The following ARL13B variants were observed in gnomAD, a reference collection of about 807,000 sequenced individuals.
ARL13B encodes ADP-ribosylation factor-like protein 13B.
A neutral mutation model predicts 56.1 loss-of-function variants in ARL13B; 36 were observed. The ratio of observed to expected loss-of-function variants is 0.64; its 90% confidence interval spans 0.49 to 0.85. The LOEUF (loss-of-function observed/expected upper bound fraction) is 0.85. Among genes scored for constraint, ARL13B ranks in the 40% least tolerant of loss-of-function variants. The probability of loss-of-function intolerance (pLI) is 0.00; values close to 1 mark genes in which losing one functional copy is unlikely to be tolerated. For synonymous variants in ARL13B, 178 were observed against 171.1 expected (o/e 1.04, Z -0.32); for missense variants, 519 against 507.1 (o/e 1.02, Z -0.23).
Position 94,053,506 on chromosome 3 carries a change from A to T in ARL13B, c.*243A>T, listed in dbSNP as rs1409721383. The T allele has an allele frequency of 6.4e-6, 4 of 624,752 alleles. No individual in the cohort carries two copies. The East Asian group carries it at 1.3e-4, about 21-fold the overall frequency. 38.7% of individuals were successfully genotyped at this position (624,752 alleles called of 1,614,324 possible). ...TCAGCATTTGGACCAAATTAGCAAGATTTACTGTTGACTCTGGTTTATACA... is the reference window on the plus strand; with the variant it reads ...TCAGCATTTGGACCAAATTAGCAAGTTTTACTGTTGACTCTGGTTTATACA... On this transcript the variant is annotated 3_prime_UTR_variant, in exon 10 of 10. Transcript: ENST00000394222.
intron 9 of ARL13B, among the ~76,000 whole-genome samples, chr3:94,051,505 A>T (rs549291034): frequency 3.7e-4 from 56 of 152,282 alleles, no homozygotes; most frequent in African/African-American, 1.3e-3. Context: ...GAATTCTAGG[A>T]TGCAAAAACT....
At chr3:94,007,681 C>T (rs915969175) in intron 3 of ARL13B, among the ~76,000 whole-genome samples, 1 of 152,122 alleles carries the variant, frequency 6.6e-6, no homozygotes, top group Non-Finnish European at 1.5e-5. Flanking sequence ...AATCATCTCC[C>T]ACCAGGTCCC....
chr3:94,011,945 A>G (rs745450750), intron 3 of ARL13B, among the ~76,000 whole-genome samples: 2 of 152,128 alleles, frequency 1.3e-5, no homozygotes, highest in East Asian at 1.9e-4. Context: ...CTTGAAGTCA[A>G]TAATTGTCTT....
chr3:93,999,529 G>A (rs142446832), intron 2 of ARL13B, among the ~76,000 whole-genome samples: 120 of 151,978 alleles, frequency 7.9e-4, no homozygotes, highest in African/African-American at 2.7e-3. Context: ...TAATAATTTC[G>A]TCATGAAAAA....
At chr3:94,021,123 G>GA (rs1346413481) in intron 3 of ARL13B, among the ~76,000 whole-genome samples, 1 of 151,192 alleles carries the variant, frequency 6.6e-6, no homozygotes, top group African/African-American at 2.4e-5. Context: ...CGATACTATA[G>GA]AAAGAATTGC....
intron 3 of ARL13B, among the ~76,000 whole-genome samples, chr3:94,010,817 A>C (rs1398613687): frequency 6.6e-6 from 1 of 152,076 alleles, no homozygotes; most frequent in African/African-American, 2.4e-5. Flanking sequence ...TATTTTACAA[A>C]TTCATCTGGA....
In ARL13B at chr3:94,035,344, C is replaced by T; in HGVS notation, c.394C>T (p.Gln132Ter). Reference protein sequence around the residue: ...GKPILVLANKQDKEGALGEAD... With the variant: ...GKPILVLANK ...ATTATCTTTCAGGTTGGCAAATAAACAAGATAAAGAAGGAGCTTTAGGAGA... is the reference window on the plus strand; with the variant it reads ...ATTATCTTTCAGGTTGGCAAATAAATAAGATAAAGAAGGAGCTTTAGGAGA... Residue 132 changes from glutamine (Q) to a stop codon, truncating the protein, a stop_gained, in exon 4 of 10, where the codon CAA becomes TAA. Coordinates refer to ENST00000394222, the MANE Select transcript of ARL13B (RefSeq NM_001174150.2). LOFTEE classifies it high-confidence loss of function. 6.2e-7 allele frequency: 1 copy of T among 1,602,514 alleles called. No homozygotes were observed. The highest frequency in any genetic ancestry group is 8.5e-7 in the Non-Finnish European group (1 of 1,175,090).
intron 2 of ARL13B, among the ~76,000 whole-genome samples, chr3:93,997,066 C>T (rs905991419): frequency 2.6e-5 from 4 of 151,936 alleles, no homozygotes; most frequent in African/African-American, 9.7e-5. Context: ...CACTGCCTCC[C>T]ATCACCCCCC....
intron 3 of ARL13B, chr3:94,015,311 A>C: frequency 1.3e-6 from 2 of 1,485,934 alleles, no homozygotes; most frequent in South Asian, 1.5e-5. Flanking sequence ...TGTGTTGAAC[A>C]AGTAGAAATT....
chr3:94,032,115 C>A (rs952047590), intron 3 of ARL13B, among the ~76,000 whole-genome samples: 3 of 152,164 alleles, frequency 2.0e-5, no homozygotes, highest in Non-Finnish European at 4.4e-5. Flanking sequence ...AAGAAGTAAT[C>A]AATGGAGCAA....
chr3:94,040,952 C>T (rs572935645), intron 6 of ARL13B, among the ~76,000 whole-genome samples: 5 of 152,004 alleles, frequency 3.3e-5, no homozygotes, highest in South Asian at 4.2e-4. Flanking sequence ...TAGTGGTGTA[C>T]GACATAGTAT....
At chr3:94,021,888 A>G (rs2076455552) in intron 3 of ARL13B, among the ~76,000 whole-genome samples, 1 of 152,016 alleles carries the variant, frequency 6.6e-6, no homozygotes. Flanking sequence ...TAAAAATGTT[A>G]TTTTTTCCCT....
rs1457359542 is a variant in ARL13B, at chr3:93,980,243, CGGACCCACGCGGTTAGCAAGGCTTA to C, written c.-179_-155del. The C allele has an allele frequency of 3.9e-6, 3 of 769,420 alleles. No individual in the cohort carries two copies. The highest frequency in any genetic ancestry group is 6.7e-6 in the Non-Finnish European group (3 of 446,492). The allele number at this position is 769,420 out of a possible 1,614,324, so 47.7% of individuals were successfully genotyped here. A position where few individuals can be genotyped will look rare whatever the true frequency, so the allele number is the denominator to read the frequency against. Reference sequence around the variant, plus strand: ...TCCTTGGCTAAGAGGGCAGTCGTCGCGGACCCACGCGGTTAGCAAGGCTTAGTGCTCGGGCCGGCCGCCTTCACTT... The same window carrying C: ...TCCTTGGCTAAGAGGGCAGTCGTCGCGTGCTCGGGCCGGCCGCCTTCACTT... On this transcript the variant is annotated 5_prime_UTR_variant, in exon 1 of 10. Coordinates refer to ENST00000394222, the MANE Select transcript of ARL13B (RefSeq NM_001174150.2).
rs1710138725 is a variant in ARL13B at position 93,980,243 on chromosome 3, C to G, written c.-181C>G. On this transcript the variant is annotated 5_prime_UTR_variant, in exon 1 of 10. Transcript: ENST00000394222. The stretch of plus-strand genomic sequence containing the variant: ...TCCTTGGCTAAGAGGGCAGTCGTCG[C>G]GGACCCACGCGGTTAGCAAGGCTTA... The G allele has an allele frequency of 1.3e-6, 1 of 769,538 alleles. No homozygotes were observed. Among genetic ancestry groups the G allele is most frequent in the Non-Finnish European group, 2.2e-6 (1 of 446,484 alleles). The allele number at this position is 769,538 out of a possible 1,614,324, so 47.7% of individuals were successfully genotyped here. A position where few individuals can be genotyped will look rare whatever the true frequency, so the allele number is the denominator to read the frequency against.
intron 3 of ARL13B, among the ~76,000 whole-genome samples, chr3:94,010,837 A>G (rs1196759384): frequency 1.3e-5 from 2 of 152,090 alleles, no homozygotes; most frequent in East Asian, 3.8e-4. Flanking sequence ...ATATAATTGT[A>G]CTAATGAATA....
intron 3 of ARL13B, chr3:94,014,642 A>C: frequency 1.2e-6 from 2 of 1,613,638 alleles, no homozygotes; most frequent in East Asian, 4.5e-5. Flanking sequence ...TCAATCTCTG[A>C]AAGTTGTGCT....
rs997960687 is a variant in ARL13B at position 94,031,726 on chromosome 3, C to T, written c.381-3605C>T. ...TAAGCAAAAAGAACAAAGCTGGAGG[C>T]ATCATATTATCTGACCTTAAATTAT... On this transcript the variant is annotated intron_variant, in intron 3 of 9. Transcript: ENST00000394222. Among the ~76,000 whole-genome samples the T allele has an allele frequency of 2.0e-5, 3 of 152,254 alleles. No homozygotes were observed. In the East Asian group the frequency reaches 5.8e-4, roughly 29 times the overall value.
intron 3 of ARL13B, among the ~76,000 whole-genome samples, chr3:94,029,517 T>G (rs1487312350): frequency 6.6e-6 from 1 of 151,268 alleles, no homozygotes; most frequent in Non-Finnish European, 1.5e-5. Context: ...CCAGCTAATT[T>G]TTTTGTAGAA....
At chr3:94,033,187 G>T (rs962728078) in intron 3 of ARL13B, among the ~76,000 whole-genome samples, 3 of 152,118 alleles carry the variant, frequency 2.0e-5, no homozygotes, top group African/African-American at 7.2e-5. Context: ...CATGGAGTGT[G>T]GATTAATAGA....
Sources: allele counts gnomAD v4.1 joint callset (sites outside exome capture counted in the v4.1 genomes callset), GRCh38; gene constraint gnomAD v4.1.1; transcripts MANE v1.5; gene names NCBI Gene and HGNC (gene_info 2026-07-23, HGNC 2026-07-21).